The following ZC3H6 variants were observed in gnomAD, a reference collection of about 807,000 sequenced individuals.
The protein encoded by ZC3H6 is zinc finger CCCH domain-containing protein 6.
A neutral mutation model predicts 107.7 loss-of-function variants in ZC3H6; 40 were observed. The ratio of observed to expected loss-of-function variants is 0.37; its 90% CI spans 0.29 to 0.48. The LOEUF (loss-of-function observed/expected upper bound fraction) is 0.48. ZC3H6 is among the 20% of genes least tolerant of loss of function. ZC3H6 has a pLI of 0.98. For missense variants in ZC3H6, 1,267 were observed against 1,410.4 expected (o/e 0.90, Z 1.63); for synonymous variants, 493 against 487.9 (o/e 1.01, Z -0.14).
rs1573963706 is a variant in ZC3H6, at chr2:112,322,890, A to C, written c.1328A>C (p.Lys443Thr). ...AAACCTACTGTGGATTTAGCGCATA[A>C]AATTGGGAGGAAGTAAGTGAAAAAC... ...VVKPTVDLAH[K>T]IGRKPPAFYT... Residue 443 changes from lysine (K) to threonine (T), a missense_variant, in exon 9 of 12, where the codon AAA becomes ACA. By Grantham distance (78) the Lys-to-Thr change is moderately conservative. Transcript: ENST00000409871. The C allele has an allele frequency of 6.3e-7, 1 of 1,578,314 alleles. No individual in the cohort carries two copies. Among genetic ancestry groups the C allele is most frequent in the African/African-American group, 1.4e-5 (1 of 72,916 alleles).
chr2:112,289,798 T>C (rs2104698449), intron 1 of ZC3H6, among the ~76,000 whole-genome samples: 1 of 152,384 alleles, frequency 6.6e-6, no homozygotes. Flanking sequence ...TGAAATACAA[T>C]GGCCCAATGA....
chr2:112,309,915 T>A lies in ZC3H6; in HGVS notation c.367T>A (p.Ser123Thr). The A allele has an allele frequency of 6.3e-7, 1 of 1,589,948 alleles. No homozygotes were observed. The highest frequency in any genetic ancestry group is 8.6e-7 in the Non-Finnish European group (1 of 1,167,282). The change falls in exon 4 of 12, where the codon TCA (serine) becomes ACA (threonine). Residue 123 changes from serine (S) to threonine (T), a missense_variant. Physicochemically the swap from Ser to Thr is moderately conservative, Grantham distance 58. Coordinates refer to ENST00000409871, the MANE Select transcript of ZC3H6 (RefSeq NM_198581.3). ...RGHISGSYIT[S>T]KKGQHNKKFK... ...ACATATATCAGGAAGCTACATAACA[T>A]CAAAGAAGGGTCAACATAACAAAAA...
At chr2:112,324,111 T>A in intron 9 of ZC3H6, 41 bp from the exon 10 acceptor site, 1 of 1,515,488 alleles carries the variant, frequency 6.6e-7, no homozygotes, top group Non-Finnish European at 8.8e-7. Flanking sequence ...TGTTTGTTTC[T>A]TTTTCTTTGA....
chr2:112,306,541 A>T (rs894160026), intron 3 of ZC3H6, among the ~76,000 whole-genome samples: 1 of 152,136 alleles, frequency 6.6e-6, no homozygotes, highest in African/African-American at 2.4e-5. Context: ...TCTCTTCATA[A>T]GCCAATTTTT....
rs1677187262 is a variant in ZC3H6, at chr2:112,338,860, TATATATATATATATATATATATATATA to T, written c.*6373_*6399del. 3.5e-4 allele frequency: 1 copy of T among 2,860 alleles called. No individual in the cohort carries two copies. Among genetic ancestry groups the T allele is most frequent in the Non-Finnish European group, 4.7e-4 (1 of 2,106 alleles). The allele number at this position is 2,860 out of a possible 1,614,324, so 0.2% of individuals were successfully genotyped here. On this transcript the variant is annotated 3_prime_UTR_variant, in exon 12 of 12. Transcript: ENST00000409871. ...ATATATGTATGTATATGTGTGTATA[TATATATATATATATATATATATATATA>T]TATATATATATATATATATATATAT...
At chr2:112,315,496 G>A (rs1676680164) in intron 5 of ZC3H6, among the ~76,000 whole-genome samples, 1 of 151,804 alleles carries the variant, frequency 6.6e-6, no homozygotes, top group Admixed American at 6.6e-5. Flanking sequence ...AAATATGGGG[G>A]TATATTCTTT....
chr2:112,297,669 T>A (rs1282165143), intron 1 of ZC3H6, among the ~76,000 whole-genome samples: 2 of 152,238 alleles, frequency 1.3e-5, no homozygotes, highest in Non-Finnish European at 2.9e-5. Context: ...AAGATACTAG[T>A]ATTTGGAAAG....
chr2:112,289,914 A>AT lies in ZC3H6; in HGVS notation c.33-9928dup, dbSNP rs1168291158. Among the ~76,000 whole-genome samples the AT allele has an allele frequency of 2.6e-5, 4 of 151,720 alleles. No homozygotes were observed. The East Asian group carries it at 7.8e-4, about 29-fold the overall frequency. On this transcript the variant is annotated intron_variant, in intron 1 of 11. Transcript: ENST00000409871. ...CACCTAACACCTGGTTCATTTTTGT[A>AT]TTTTTTTATAGAGACGGGGTTTTAC...
chr2:112,302,688 G>C (rs1241813068), intron 2 of ZC3H6, among the ~76,000 whole-genome samples: 6 of 152,030 alleles, frequency 3.9e-5, no homozygotes, highest in Non-Finnish European at 8.8e-5. Flanking sequence ...CATTGTACTT[G>C]ACATCAATAA....
At chr2:112,324,729 C>T (rs961763212) in intron 10 of ZC3H6, 66 bp downstream of exon 10, 1 of 1,399,502 alleles carries the variant, frequency 7.1e-7, no homozygotes, top group African/African-American at 1.5e-5. Flanking sequence ...TCATTAAAAG[C>T]ATGACAGAAA....
In ZC3H6 at chr2:112,336,898, A is replaced by G. The variant is rs1677144219; in HGVS notation, c.*4410A>G. 6.6e-6 allele frequency: 1 copy of G among 152,188 alleles called. No individual in the cohort carries two copies. The highest frequency in any genetic ancestry group is 2.4e-5 in the African/African-American group (1 of 41,434). The allele number at this position is 152,188 out of a possible 1,614,324, so 9.4% of individuals were successfully genotyped here. ...GTATCTCCTTATTTTTATACTTGCC[A>G]TAGAAACAAGCCTAGTTGTAGGCCT... On this transcript the variant is annotated 3_prime_UTR_variant, in exon 12 of 12. Transcript: ENST00000409871.
rs1677122744 is a variant in ZC3H6 at position 112,335,493 on chromosome 2, T to G, written c.*3005T>G. 1.3e-5 allele frequency: 2 copies of G among 152,132 alleles called. No homozygotes were observed. The highest frequency in any genetic ancestry group is 4.8e-5 in the African/African-American group (2 of 41,428). 9.4% of individuals were successfully genotyped at this position (152,132 alleles called of 1,614,324 possible). A position where few individuals can be genotyped will look rare whatever the true frequency, so the allele number is the denominator to read the frequency against. On this transcript the variant is annotated 3_prime_UTR_variant, in exon 12 of 12. Coordinates refer to ENST00000409871, the MANE Select transcript of ZC3H6 (RefSeq NM_198581.3). The stretch of plus-strand genomic sequence containing the variant: ...GAGAATAAATTCATATTTTTTGTTC[T>G]GAATTGATTTCTGTGTAATTTATAT...
At chr2:112,293,839 C>T (rs1283695214) in intron 1 of ZC3H6, among the ~76,000 whole-genome samples, 1 of 152,198 alleles carries the variant, frequency 6.6e-6, no homozygotes, top group Non-Finnish European at 1.5e-5. Context: ...AATGCATGAT[C>T]AGCATAGTGT....
Position 112,322,890 on chromosome 2 carries a change from A to G in ZC3H6, c.1328A>G (p.Lys443Arg). 1 of 1,578,314 alleles carries G rather than the reference A, an allele frequency of 6.3e-7. No individual in the cohort carries two copies. The highest frequency in any genetic ancestry group is 8.6e-7 in the Non-Finnish European group (1 of 1,166,990). ...VVKPTVDLAH[K>R]IGRKPPAFYT... ...AAACCTACTGTGGATTTAGCGCATA[A>G]AATTGGGAGGAAGTAAGTGAAAAAC... The change falls in exon 9 of 12, where the codon AAA becomes AGA. Residue 443 changes from lysine (K) to arginine (R), a missense_variant. By Grantham distance (26) the Lys-to-Arg change is conservative. This residue lies in a region of ZC3H6 where 925 missense variants were observed against 1,025.7 expected (regional missense o/e 0.90). Coordinates refer to ENST00000409871, the MANE Select transcript of ZC3H6 (RefSeq NM_198581.3).
At chr2:112,327,082 T>C (rs920374820) in intron 11 of ZC3H6, among the ~76,000 whole-genome samples, 3 of 152,226 alleles carry the variant, frequency 2.0e-5, no homozygotes, top group Non-Finnish European at 4.4e-5. Flanking sequence ...TTTTAGTTTT[T>C]TGAGGAACTT....
chr2:112,283,678 C>T (rs1313026932), intron 1 of ZC3H6, among the ~76,000 whole-genome samples: 11 of 152,112 alleles, frequency 7.2e-5, no homozygotes, highest in Non-Finnish European at 1.5e-4. Flanking sequence ...CTTGGAAGGG[C>T]AAATAACTTG....
intron 1 of ZC3H6, among the ~76,000 whole-genome samples, chr2:112,284,772 A>G (rs1425832624): frequency 6.6e-6 from 1 of 152,218 alleles, no homozygotes; most frequent in Non-Finnish European, 1.5e-5. Flanking sequence ...ATTATGTTGT[A>G]CAGAACTTTT....
chr2:112,314,384 A>G (rs1176611214), intron 5 of ZC3H6, among the ~76,000 whole-genome samples: 1 of 152,152 alleles, frequency 6.6e-6, no homozygotes, highest in African/African-American at 2.4e-5. Flanking sequence ...CAGGTTTCCC[A>G]TAGCTGTGGA....
Position 112,290,058 on chromosome 2 carries a change from A to G in ZC3H6, c.33-9791A>G, listed in dbSNP as rs1026159970. ...GCCCAGCTTTTGAAAAACCTGTACA[A>G]TAAAAAGTTTGGACTAATGTTCTTT... On this transcript the variant is annotated intron_variant, in intron 1 of 11. Transcript: ENST00000409871. Among the ~76,000 whole-genome samples, 38 of 152,332 alleles carry G rather than the reference A, an allele frequency of 2.5e-4. 1 individual carries two copies. Among genetic ancestry groups the G allele is most frequent in the African/African-American group, 8.4e-4 (35 of 41,560 alleles).
Sources: allele counts gnomAD v4.1 joint callset (sites outside exome capture counted in the v4.1 genomes callset), GRCh38; gene constraint gnomAD v4.1.1; regional missense constraint gnomAD v4.1.1; transcripts MANE v1.5; gene names NCBI Gene and HGNC (gene_info 2026-07-23, HGNC 2026-07-21).